Variants in FAM161A observed in about 807,000 individuals in gnomAD.
FAM161A encodes the protein protein FAM161A.
Under a neutral mutation model 70.9 loss-of-function variants are expected in FAM161A, and 57 were observed. The ratio of observed to expected loss-of-function variants is 0.80; its 90% CI spans 0.65 to 1.00. FAM161A has a LOEUF of 1.00. FAM161A is among the 50% of genes least tolerant of loss of function. The pLI, the probability that FAM161A is intolerant of heterozygous loss-of-function variation, is 0.00. For missense variants in FAM161A, 880 were observed against 836.0 expected (o/e 1.05, Z -0.65); for synonymous variants, 299 against 295.7 (o/e 1.01, Z -0.12).
rs886056214 is a variant in FAM161A, at chr2:61,825,106, T to C, written c.*1349A>G. On this transcript the variant is annotated 3_prime_UTR_variant, in exon 7 of 7. Transcript: ENST00000404929. ...CCAGTTTGGAAACACTGCTATTACA[T>C]ACACCTGTATTAGTTCATCCTTTTA... The C allele has an allele frequency of 2.2e-6, 1 of 452,854 alleles. No individual in the cohort carries two copies. The highest frequency in any genetic ancestry group is 4.4e-6 in the Non-Finnish European group (1 of 226,476). 28.1% of individuals were successfully genotyped at this position (452,854 alleles called of 1,614,324 possible).
At chr2:61,801,792 C>T in the FAM161A span, among the ~76,000 whole-genome samples, 1 of 151,996 alleles carries the variant, frequency 6.6e-6, no homozygotes, top group Non-Finnish European at 1.5e-5. Flanking sequence ...AACTCCTGAC[C>T]TCAGGTGATC....
At chr2:61,843,837 A>G (rs1673106981) in intron 1 of FAM161A, among the ~76,000 whole-genome samples, 2 of 152,130 alleles carry the variant, frequency 1.3e-5, no homozygotes. Flanking sequence ...TAAAGAAAAC[A>G]ACTTTTAAAA....
Position 61,838,544 on chromosome 2 carries a change from C to T in FAM161A, c.1745G>A (p.Cys582Tyr). ...CAAGATTTTTTCATGATACCTGAGACATTTTACTCTGGATTTAGATATTTG... is the reference window on the plus strand; with the variant it reads ...CAAGATTTTTTCATGATACCTGAGATATTTTACTCTGGATTTAGATATTTG... ...LAQISKSRVK[C>Y]LRKSEKERMR... Residue 582 changes from cysteine (C) to tyrosine (Y), a missense_variant, in exon 4 of 7, where the codon TGT (cysteine) becomes TAT (tyrosine). Physicochemically the swap from Cys to Tyr is radical, Grantham distance 194 (BLOSUM62 -2). Transcript: ENST00000404929. 1.2e-6 allele frequency: 2 copies of T among 1,601,914 alleles called. No individual in the cohort carries two copies. The highest frequency in any genetic ancestry group is 1.7e-4 in the Middle Eastern group (1 of 6,026).
At chr2:61,844,067 T>G (rs577837406) in intron 1 of FAM161A, among the ~76,000 whole-genome samples, 1 of 151,570 alleles carries the variant, frequency 6.6e-6, no homozygotes, top group East Asian at 2.0e-4. Flanking sequence ...GGCGTGAACC[T>G]GGGAGGCAGA....
chr2:61,847,654 C>T (rs1175929974), intron 1 of FAM161A, among the ~76,000 whole-genome samples: 1 of 152,000 alleles, frequency 6.6e-6, no homozygotes, highest in Non-Finnish European at 1.5e-5. Flanking sequence ...CACCTATAGT[C>T]CCAGCTAGTT....
chr2:61,853,806 A>T, intron 1 of FAM161A, 53 bp downstream of exon 1: 1 of 1,604,918 alleles, frequency 6.2e-7, no homozygotes, highest in Non-Finnish European at 8.5e-7. Flanking sequence ...GACAGCCCTC[A>T]GCCTGCACCC....
rs1672975393 is a variant in FAM161A at position 61,840,419 on chromosome 2, A to G, written c.585T>C (p.Ala195=). ...TCCACATATTGTTGATGAGCTCCTT[A>G]GCATAGGTCATCATTCTGTTTTTCC... ...YPRKNRMMTY[A]KELINNMWTD... is the part of the protein sequence containing the mutation. The change falls in exon 3 of 7, where the codon GCT becomes GCC. Residue 195 remains alanine, a synonymous_variant. Coordinates refer to ENST00000404929, the MANE Select transcript of FAM161A (RefSeq NM_001201543.2). The G allele has an allele frequency of 5.0e-6, 8 of 1,614,104 alleles. No homozygotes were observed. The highest frequency in any genetic ancestry group is 6.8e-6 in the Non-Finnish European group (8 of 1,180,006).
chr2:61,833,877 A>G (rs188110799), intron 5 of FAM161A, among the ~76,000 whole-genome samples: 1 of 152,216 alleles, frequency 6.6e-6, no homozygotes, highest in East Asian at 1.9e-4. Context: ...AAAAAATAAA[A>G]TTAGCTGGGC....
chr2:61,830,937 C>T (rs532465152), intron 5 of FAM161A, among the ~76,000 whole-genome samples: 19 of 151,550 alleles, frequency 1.3e-4, no homozygotes, highest in African/African-American at 4.6e-4. Context: ...GATGAAACTT[C>T]GTCTTGACTA....
chr2:61,824,023 C>A (rs1672269617), downstream of FAM161A, among the ~76,000 whole-genome samples: 1 of 150,316 alleles, frequency 6.7e-6, no homozygotes, highest in Non-Finnish European at 1.5e-5. Flanking sequence ...AATTTGATGT[C>A]TTTTTTTTCT....
the FAM161A span, among the ~76,000 whole-genome samples, chr2:61,812,035 T>G: frequency 1.3e-5 from 2 of 152,124 alleles, no homozygotes; most frequent in Admixed American, 1.3e-4. Context: ...TGTTCCTCTA[T>G]CTAAGATGCC....
rs796100138 is a variant in FAM161A at position 61,848,826 on chromosome 2, A to T, written c.183+5033T>A. Among the ~76,000 whole-genome samples, 20 of 6,394 alleles carry T rather than the reference A, an allele frequency of 3.1e-3. 1 individual carries two copies. Among genetic ancestry groups the T allele is most frequent in the South Asian group, 8.2e-3 (1 of 122 alleles). The allele number at this position is 6,394 out of a possible 152,430, so 4.2% of individuals were successfully genotyped here. A position where few individuals can be genotyped will look rare whatever the true frequency, so the allele number is the denominator to read the frequency against. On this transcript the variant is annotated intron_variant, in intron 1 of 6. Transcript: ENST00000404929. The stretch of plus-strand genomic sequence containing the variant: ...TCTATATATATATTTATATATATAT[A>T]TCTATATATATTTATATATATATTT...
At chr2:61,846,526 T>A (rs1033582600) in intron 1 of FAM161A, among the ~76,000 whole-genome samples, 6 of 152,174 alleles carry the variant, frequency 3.9e-5, no homozygotes, top group African/African-American at 1.4e-4. Context: ...CACTTAGCAA[T>A]GTGATGTGGG....
At chr2:61,830,657 C>T (rs190034685) in intron 5 of FAM161A, among the ~76,000 whole-genome samples, 46 of 126,996 alleles carry the variant, frequency 3.6e-4, no homozygotes, top group African/African-American at 1.4e-3. Context: ...GCACTCCAGC[C>T]TGGGTGACAG....
intron 4 of FAM161A, among the ~76,000 whole-genome samples, chr2:61,838,321 T>G (rs1672848818): frequency 1.3e-5 from 2 of 152,206 alleles, no homozygotes; most frequent in Admixed American, 1.3e-4. Context: ...TTCATCAACA[T>G]AGCTTCATGG....
the FAM161A span, among the ~76,000 whole-genome samples, chr2:61,804,194 C>G: frequency 6.6e-6 from 1 of 152,132 alleles, no homozygotes; most frequent in African/African-American, 2.4e-5. Context: ...GCAGTGAGGA[C>G]GGCCAGAGGT....
the FAM161A span, among the ~76,000 whole-genome samples, chr2:61,815,185 G>A: frequency 6.6e-6 from 1 of 152,092 alleles, no homozygotes; most frequent in South Asian, 2.1e-4. Flanking sequence ...CCTCCTCTAG[G>A]GATACTCATG....
chr2:61,802,791 G>A, the FAM161A span, among the ~76,000 whole-genome samples: 27 of 152,194 alleles, frequency 1.8e-4, no homozygotes, highest in South Asian at 5.2e-3. Flanking sequence ...ACAGTAATTC[G>A]CAAGATGGTC....
chr2:61,807,740 AAG>A, the FAM161A span, among the ~76,000 whole-genome samples: 1 of 150,344 alleles, frequency 6.7e-6, no homozygotes, highest in African/African-American at 2.5e-5. Flanking sequence ...TCCAGGGCTC[AAG>A]CATTCCTCCC....
Sources: gnomAD v4.1 joint callset for allele counts (sites outside exome capture counted in the v4.1 genomes callset) on GRCh38, gnomAD v4.1.1 for gene constraint, MANE v1.5 for transcripts, NCBI Gene and HGNC (gene_info 2026-07-23, HGNC 2026-07-21) for gene names.